HDHD5: variants seen among roughly 807,000 people sequenced by gnomAD.
HDHD5 encodes the protein haloacid dehalogenase-like hydrolase domain-containing 5.
Under a neutral mutation model 35.5 loss-of-function variants are expected in HDHD5, and 34 were observed. The observed-to-expected ratio is 0.96, with a 90% CI of 0.73 to 1.28. HDHD5 has a LOEUF of 1.28. Ranked by LOEUF, HDHD5 falls within the 50% of genes most tolerant of loss-of-function variation. HDHD5 has a pLI of 0.00. For synonymous variants in HDHD5, 248 were observed against 240.6 expected (o/e 1.03, Z -0.29); for missense variants, 589 against 560.2 (o/e 1.05, Z -0.52).
chr22:17,149,610 C>T lies in HDHD5; in HGVS notation c.262G>A (p.Val88Ile), dbSNP rs771530523. The T allele has an allele frequency of 8.1e-6, 13 of 1,613,160 alleles. No individual in the cohort carries two copies. In the Admixed American group the frequency reaches 1.7e-4, roughly 21 times the overall value. ...TGTAAGATGTTCCCAGCATTTGTAA[C>T]AAAAACCACGGGCACCCGCAGCTGC... is the stretch of plus-strand genomic sequence containing the variant. ...QGQLRVPVVF[V>I]TNAGNILQHS... is the part of the protein sequence containing the mutation. The change falls in exon 2 of 8, where the codon GTT becomes ATT. Residue 88 changes from valine (V) to isoleucine (I), a missense_variant. Physicochemically the swap from Val to Ile is conservative, Grantham distance 29. Transcript: ENST00000336737.
intron 6 of HDHD5, among the ~76,000 whole-genome samples, chr22:17,140,649 G>A (rs1293579884): frequency 1.3e-5 from 2 of 152,068 alleles, no homozygotes; most frequent in Admixed American, 6.6e-5. Context: ...ATGTCTGAAG[G>A]GTAAAAGGAA....
rs1377882591 is a variant in HDHD5, at chr22:17,138,110, G to A, written c.1183C>T (p.Pro395Ser). ...ACGTGGGAGGCCTCCATGAGCCCTG[G>A]ACTGAAGCATAAGTCTCGGTGCCCG... is the stretch of plus-strand genomic sequence containing the variant. ...FHGHRDLCFS[P>S]GLMEASHVVN... Residue 395 changes from proline to serine, a missense_variant, in exon 8 of 8, where the codon CCA becomes TCA. Transcript: ENST00000336737. The A allele has an allele frequency of 1.2e-6, 2 of 1,614,118 alleles. No individual in the cohort carries two copies. Among genetic ancestry groups the A allele is most frequent in the South Asian group, 2.2e-5 (2 of 91,080 alleles).
Position 17,141,059 on chromosome 22 carries a change from C to T in HDHD5, c.746G>A (p.Arg249Lys). 6.3e-7 allele frequency: 1 copy of T among 1,582,512 alleles called. No individual in the cohort carries two copies. The highest frequency in any genetic ancestry group is 8.6e-7 in the Non-Finnish European group (1 of 1,166,418). ...AAGGCTGGGAGCTTTGTGTCCTCAC[C>T]TGGGCATCTTGGCTTCAGCCATCCA... ...LLWMAEAKMP[R>K]FGHGTFLLCL... The change falls in exon 6 of 8, where the codon AGG (arginine) becomes AAG (lysine). Residue 249 changes from arginine to lysine, a missense_variant and splice_region_variant. Coordinates refer to ENST00000336737, the MANE Select transcript of HDHD5 (RefSeq NM_033070.3).
At chr22:17,140,213 C>T (rs1214924683) in intron 6 of HDHD5, among the ~76,000 whole-genome samples, 2 of 152,192 alleles carry the variant, frequency 1.3e-5, no homozygotes, top group African/African-American at 2.4e-5. Flanking sequence ...ACTGGCCATG[C>T]AGATAACAGC....
At chr22:17,151,154 A>G (rs2061720547) in intron 1 of HDHD5, among the ~76,000 whole-genome samples, 1 of 152,248 alleles carries the variant, frequency 6.6e-6, no homozygotes, top group Admixed American at 6.5e-5. Context: ...TGATTTTCAC[A>G]ACTGTTAATT....
intron 1 of HDHD5, among the ~76,000 whole-genome samples, chr22:17,152,078 C>T (rs1282357407): frequency 1.3e-5 from 2 of 152,120 alleles, no homozygotes; most frequent in Non-Finnish European, 2.9e-5. Context: ...GACAGGCAGC[C>T]CCAGGACAGT....
At chr22:17,159,308 TC>T (rs939642275), upstream of HDHD5, 15 of 957,996 alleles carry the variant, frequency 1.6e-5, no homozygotes, top group African/African-American at 2.1e-5. Flanking sequence ...CGCGAGTCCG[TC>T]CGCTGCACAG....
chr22:17,163,955 G>A (rs1462441813), upstream of HDHD5, among the ~76,000 whole-genome samples: 3 of 152,114 alleles, frequency 2.0e-5, no homozygotes, highest in East Asian at 3.9e-4. Flanking sequence ...GGCCAGGCAC[G>A]GTGGCCTGTA....
chr22:17,148,453 G>A lies in HDHD5; in HGVS notation c.438C>T (p.Ala146=), dbSNP rs1568945393. 1 of 1,613,518 alleles carries A rather than the reference G, an allele frequency of 6.2e-7. No individual in the cohort carries two copies. Among genetic ancestry groups the A allele is most frequent in the Non-Finnish European group, 8.5e-7 (1 of 1,179,518 alleles). ...AGTTAAGACCAAAAGGATACCCCTGGGCATTTTCCATCACGGGCCCCTGTC... is the reference window on the plus strand; with the variant it reads ...AGTTAAGACCAAAAGGATACCCCTGAGCATTTTCCATCACGGGCCCCTGTC... The part of the protein sequence containing the change: ...VSGQGPVMEN[A]QGLGFRNVVT... The change falls in exon 3 of 8, where the codon GCC becomes GCT. Residue 146 remains alanine, a synonymous_variant. Transcript: ENST00000336737.
chr22:17,144,914 T>G, intron 4 of HDHD5, 110 bp downstream of exon 4: 1 of 1,320,744 alleles, frequency 7.6e-7, no homozygotes, highest in Non-Finnish European at 1.1e-6. Context: ...CAAAGAAGCA[T>G]GGACAAATCA....
rs2061555995 is a variant in HDHD5, at chr22:17,138,229, C to T, written c.1064G>A (p.Ser355Asn). 1.9e-6 allele frequency: 3 copies of T among 1,614,194 alleles called. No individual in the cohort carries two copies. The highest frequency in any genetic ancestry group is 2.5e-6 in the Non-Finnish European group (3 of 1,180,044). ...TRQQQPSASQ[S>N]CISILVCTGV... ...TGTACACACCAGGATGGAGATGCAG[C>T]TCTGGCTTGCTGAGGGCTGTTGCTG... The change falls in exon 8 of 8, where the codon AGC becomes AAC. Residue 355 changes from serine (S) to asparagine (N), a missense_variant. Physicochemically the swap from Ser to Asn is conservative, Grantham distance 46. Coordinates refer to ENST00000336737, the MANE Select transcript of HDHD5 (RefSeq NM_033070.3).
chr22:17,145,768 G>A (rs1457996062), intron 3 of HDHD5, among the ~76,000 whole-genome samples: 2 of 152,164 alleles, frequency 1.3e-5, no homozygotes, highest in South Asian at 2.1e-4. Flanking sequence ...TCTGAGAACA[G>A]TGCTGCTAGT....
Position 17,141,507 on chromosome 22 carries a change from T to G in HDHD5, c.572-274A>C, listed in dbSNP as rs990732458. On this transcript the variant is annotated intron_variant, in intron 5 of 7. Coordinates refer to ENST00000336737, the MANE Select transcript of HDHD5 (RefSeq NM_033070.3). ...AAGAGGTTACAAAACAAAAGCAGCA[T>G]GTCTCAGGGCTACTTCTCCTTGCTG... The G allele has an allele frequency of 4.7e-6, 6 of 1,279,498 alleles. No homozygotes were observed. In the African/African-American group the frequency reaches 9.4e-5, roughly 20 times the overall value. The allele number at this position is 1,279,498 out of a possible 1,614,324, so 79.3% of individuals were successfully genotyped here. A position where few individuals can be genotyped will look rare whatever the true frequency, so the allele number is the denominator to read the frequency against.
intron 1 of HDHD5, among the ~76,000 whole-genome samples, chr22:17,164,588 T>C (rs1314101623): frequency 6.6e-6 from 1 of 152,214 alleles, no homozygotes; most frequent in Non-Finnish European, 1.5e-5. Flanking sequence ...CCAGCCCTTA[T>C]GTTCACATTC....
chr22:17,161,200 C>T (rs1202095417), upstream of HDHD5, among the ~76,000 whole-genome samples: 3 of 137,810 alleles, frequency 2.2e-5, no homozygotes, highest in African/African-American at 2.8e-5. Flanking sequence ...GAGCTGAGAG[C>T]GTGCCACTGT....
upstream of HDHD5, among the ~76,000 whole-genome samples, chr22:17,162,191 C>T (rs1227811159): frequency 6.6e-6 from 1 of 152,204 alleles, no homozygotes; most frequent in African/African-American, 2.4e-5. Context: ...GGAGGTGGAG[C>T]TTCCATTCCT....
chr22:17,148,831 GT>G (rs1374221791), intron 2 of HDHD5, among the ~76,000 whole-genome samples: 1 of 152,170 alleles, frequency 6.6e-6, no homozygotes, highest in African/African-American at 2.4e-5. Flanking sequence ...ACCCCGTCAG[GT>G]TCAGTTTGGA....
At chr22:17,142,794 TAA>T (rs897521612) in intron 5 of HDHD5, 7 of 310,428 alleles carry the variant, frequency 2.3e-5, no homozygotes, top group African/African-American at 1.5e-4. Context: ...GTTCTTGGTA[TAA>T]AAAGGGGAGA....
intron 2 of HDHD5, 119 bp from the exon 3 acceptor site, chr22:17,148,679 G>C: frequency 1.3e-6 from 1 of 742,168 alleles, no homozygotes; most frequent in Non-Finnish European, 2.3e-6. Context: ...GAAAAAGAAC[G>C]GGGAGGAAAG....
Sources: gnomAD v4.1 joint callset for allele counts (sites outside exome capture counted in the v4.1 genomes callset) on GRCh38, gnomAD v4.1.1 for gene constraint, MANE v1.5 for transcripts, NCBI Gene and HGNC (gene_info 2026-07-23, HGNC 2026-07-21) for gene names.